Variants in SLC24A2 observed in about 807,000 individuals in gnomAD.
The protein encoded by SLC24A2 is solute carrier family 24 member 2.
SLC24A2 carries 36 observed loss-of-function variants against 62.0 expected under a neutral mutation model. That is an observed-to-expected ratio of 0.58 (90% CI 0.44 to 0.77). SLC24A2 has a LOEUF of 0.77. Among genes scored for constraint, SLC24A2 ranks in the 30% least tolerant of loss-of-function variants. SLC24A2 has a pLI of 0.00. For missense variants in SLC24A2, 846 were observed against 817.9 expected (o/e 1.03, Z -0.42); for synonymous variants, 358 against 294.0 (o/e 1.22, Z -2.23).
At chr9:20,230,046 C>T in the SLC24A2 span, among the ~76,000 whole-genome samples, 1 of 152,082 alleles carries the variant, frequency 6.6e-6, no homozygotes, top group South Asian at 2.1e-4. Flanking sequence ...ATCCATGTCC[C>T]TACAAAGGAC....
chr9:19,973,706 T>C, the SLC24A2 span, among the ~76,000 whole-genome samples: 1 of 152,222 alleles, frequency 6.6e-6, no homozygotes, highest in African/African-American at 2.4e-5. Flanking sequence ...AGAAGGATAA[T>C]TATACCAGAT....
intron 2 of SLC24A2, among the ~76,000 whole-genome samples, chr9:19,713,152 G>C (rs1820761928): frequency 6.6e-6 from 1 of 151,940 alleles, no homozygotes; most frequent in Non-Finnish European, 1.5e-5. Flanking sequence ...TTCTTTGCCT[G>C]CTTTATTTAC....
At chr9:19,833,239 G>A in the SLC24A2 span, among the ~76,000 whole-genome samples, 1 of 152,262 alleles carries the variant, frequency 6.6e-6, no homozygotes, top group South Asian at 2.1e-4. Flanking sequence ...GCAGGACAGT[G>A]GGTGCAGTGC....
At chr9:20,159,424 A>G in the SLC24A2 span, among the ~76,000 whole-genome samples, 3 of 151,548 alleles carry the variant, frequency 2.0e-5, no homozygotes, top group Admixed American at 6.6e-5. Flanking sequence ...GGCCCCAGAA[A>G]CCAATTTTCA....
the SLC24A2 span, among the ~76,000 whole-genome samples, chr9:20,191,385 C>A: frequency 3.9e-4 from 59 of 152,096 alleles, 1 homozygote; most frequent in South Asian, 4.6e-3. Context: ...TAAATAAGTT[C>A]ATAAATGGTG....
intron 2 of SLC24A2, among the ~76,000 whole-genome samples, chr9:19,769,731 T>C (rs1297580821): frequency 1.3e-5 from 2 of 152,162 alleles, no homozygotes; most frequent in South Asian, 2.1e-4. Context: ...TCAGAGCCCA[T>C]GTTCCACACT....
At chr9:20,144,781 G>T in the SLC24A2 span, among the ~76,000 whole-genome samples, 1 of 151,964 alleles carries the variant, frequency 6.6e-6, no homozygotes, top group Non-Finnish European at 1.5e-5. Flanking sequence ...GCCTCGTTCG[G>T]TGCTATATTC....
the SLC24A2 span, among the ~76,000 whole-genome samples, chr9:19,878,043 C>A: frequency 6.6e-6 from 1 of 152,162 alleles, no homozygotes; most frequent in Non-Finnish European, 1.5e-5. Flanking sequence ...AGGCAGCAGA[C>A]CTGTTACCAC....
At chr9:19,749,776 C>T (rs1277328777) in intron 2 of SLC24A2, among the ~76,000 whole-genome samples, 3 of 152,116 alleles carry the variant, frequency 2.0e-5, no homozygotes, top group African/African-American at 4.8e-5. Flanking sequence ...TCTGGCAACT[C>T]GAATTAGTGG....
At chr9:19,641,736 T>C (rs1818499995) in intron 2 of SLC24A2, among the ~76,000 whole-genome samples, 1 of 152,164 alleles carries the variant, frequency 6.6e-6, no homozygotes, top group African/African-American at 2.4e-5. Context: ...TTAACATATA[T>C]GTGTTTAGGC....
chr9:20,126,451 A>G, the SLC24A2 span, among the ~76,000 whole-genome samples: 1 of 152,240 alleles, frequency 6.6e-6, no homozygotes, highest in South Asian at 2.1e-4. Flanking sequence ...ATCCACGGCA[A>G]TCAATCAGCA....
the SLC24A2 span, among the ~76,000 whole-genome samples, chr9:20,109,290 A>G: frequency 6.6e-6 from 1 of 152,226 alleles, no homozygotes; most frequent in Non-Finnish European, 1.5e-5. Flanking sequence ...ATTATGCAGA[A>G]AAAAATTAAC....
chr9:19,792,441 T>C (rs1823329378), upstream of SLC24A2, among the ~76,000 whole-genome samples: 1 of 147,904 alleles, frequency 6.8e-6, no homozygotes, highest in African/African-American at 2.5e-5. Flanking sequence ...ACGCCTTTAA[T>C]CCCAGCACTT....
chr9:20,137,030 A>C, the SLC24A2 span, among the ~76,000 whole-genome samples: 1 of 152,192 alleles, frequency 6.6e-6, no homozygotes, highest in Non-Finnish European at 1.5e-5. Context: ...AAATGGAGGC[A>C]CATCTCACAC....
At chr9:20,117,775 C>T in the SLC24A2 span, among the ~76,000 whole-genome samples, 1 of 152,086 alleles carries the variant, frequency 6.6e-6, no homozygotes, top group Non-Finnish European at 1.5e-5. Context: ...TTACTAAGGG[C>T]TTATTATGTG....
At chr9:19,731,022 A>T (rs892385612) in intron 2 of SLC24A2, among the ~76,000 whole-genome samples, 6 of 152,172 alleles carry the variant, frequency 3.9e-5, no homozygotes, top group Non-Finnish European at 7.4e-5. Flanking sequence ...CTAAGTGATA[A>T]TTGATTTGTC....
At chr9:19,517,928 C>T (rs1044380002) in intron 10 of SLC24A2, among the ~76,000 whole-genome samples, 8 of 142,456 alleles carry the variant, frequency 5.6e-5, no homozygotes, top group African/African-American at 1.9e-4. Context: ...CACACACACA[C>T]ACACACACAC....
the SLC24A2 span, among the ~76,000 whole-genome samples, chr9:20,257,867 T>C: frequency 3.9e-5 from 6 of 152,204 alleles, no homozygotes; most frequent in Admixed American, 3.9e-4. Context: ...GACATCACCA[T>C]ACAGAAACAG....
the SLC24A2 span, among the ~76,000 whole-genome samples, chr9:19,921,378 C>G: frequency 6.6e-6 from 1 of 151,728 alleles, no homozygotes; most frequent in Non-Finnish European, 1.5e-5. Flanking sequence ...AAAAAATTAC[C>G]CAGGCATGGT....
Sources: gnomAD v4.1 joint callset for allele counts (sites outside exome capture counted in the v4.1 genomes callset) on GRCh38, gnomAD v4.1.1 for gene constraint, MANE v1.5 for transcripts, NCBI Gene and HGNC (gene_info 2026-07-23, HGNC 2026-07-21) for gene names.